Variants in GALNTL6 observed in about 807,000 individuals in gnomAD.
GALNTL6 encodes the protein polypeptide N-acetylgalactosaminyltransferase like 6, also known as polypeptide N-acetylgalactosaminyltransferase-like 6.
A neutral mutation model predicts 73.7 loss-of-function variants in GALNTL6; 46 were observed. That is an observed-to-expected ratio of 0.62 (90% CI 0.49 to 0.80). GALNTL6 has a LOEUF of 0.80. Ranked by LOEUF, GALNTL6 falls within the 30% of genes least tolerant of loss-of-function variation. GALNTL6 has a pLI of 0.00. For missense variants in GALNTL6, 604 were observed against 755.0 expected (o/e 0.80, Z 2.34); for synonymous variants, 259 against 263.7 (o/e 0.98, Z 0.17).
intron 2 of GALNTL6, among the ~76,000 whole-genome samples, chr4:172,010,740 G>T (rs1740981960): frequency 6.6e-6 from 1 of 152,006 alleles, no homozygotes. Context: ...CACTATCAGT[G>T]TCTTCTACCA....
chr4:172,182,597 C>T (rs769659737), intron 2 of GALNTL6, among the ~76,000 whole-genome samples: 6 of 141,966 alleles, frequency 4.2e-5, no homozygotes, highest in African/African-American at 5.3e-5. Context: ...GCTGCATAGA[C>T]AGGATATTCC....
At position 173,040,135 on chromosome 4, in the gene GALNTL6, G is replaced by A. The variant is rs1579815618; in HGVS notation, c.*35G>A. On this transcript the variant is annotated 3_prime_UTR_variant, in exon 13 of 13. Coordinates refer to ENST00000506823, the MANE Select transcript of GALNTL6 (RefSeq NM_001034845.3). ...AGGAAGAAAGAGTGATTACCTACAG[G>A]TTATAAATTAAATTTTAGCCAGCAT... 1 of 1,509,578 alleles carries A rather than the reference G, an allele frequency of 6.6e-7. No individual in the cohort carries two copies. Among genetic ancestry groups the A allele is most frequent in the Middle Eastern group, 2.1e-4 (1 of 4,878 alleles). 93.5% of individuals were successfully genotyped at this position (1,509,578 alleles called of 1,614,324 possible).
At chr4:172,380,309 T>C in intron 5 of GALNTL6, 1 of 742,020 alleles carries the variant, frequency 1.3e-6, no homozygotes, top group Non-Finnish European at 2.5e-6. Flanking sequence ...TGGGTATTCT[T>C]CTGGAAGAAA....
intron 2 of GALNTL6, among the ~76,000 whole-genome samples, chr4:172,084,131 A>G (rs947538933): frequency 2.6e-5 from 4 of 152,216 alleles, no homozygotes; most frequent in African/African-American, 9.6e-5. Context: ...AAAAAATTAA[A>G]CAAAATGGAA....
At chr4:172,053,606 G>A (rs372672752) in intron 2 of GALNTL6, among the ~76,000 whole-genome samples, 39 of 152,206 alleles carry the variant, frequency 2.6e-4, no homozygotes, top group African/African-American at 9.4e-4. Flanking sequence ...CACTACAAGC[G>A]AACTTAGTGC....
chr4:172,622,918 T>C (rs905329148), intron 5 of GALNTL6, among the ~76,000 whole-genome samples: 1 of 152,060 alleles, frequency 6.6e-6, no homozygotes, highest in Non-Finnish European at 1.5e-5. Flanking sequence ...TGAACAAAAA[T>C]TAAGTCCATA....
chr4:172,019,533 A>G (rs1371219873), intron 2 of GALNTL6, among the ~76,000 whole-genome samples: 2 of 152,158 alleles, frequency 1.3e-5, no homozygotes, highest in Non-Finnish European at 2.9e-5. Flanking sequence ...TATATGAGAC[A>G]AAATATATTT....
At chr4:172,186,441 A>ATCAATGTATTATTCCAAAGAAT (rs1735416898) in intron 2 of GALNTL6, among the ~76,000 whole-genome samples, 3 of 152,282 alleles carry the variant, frequency 2.0e-5, no homozygotes, top group Admixed American at 2.0e-4. Context: ...GAAAGAATAA[A>ATCAATGTATTATTCCAAAGAAT]AAATTGGAAA....
chr4:172,801,316 C>A (rs903368335), intron 5 of GALNTL6, among the ~76,000 whole-genome samples: 2 of 152,176 alleles, frequency 1.3e-5, no homozygotes, highest in Non-Finnish European at 2.9e-5. Flanking sequence ...TTATTTGCCT[C>A]TTCCCAAATG....
intron 3 of GALNTL6, among the ~76,000 whole-genome samples, chr4:172,276,629 G>C (rs1326666262): frequency 1.3e-5 from 2 of 152,028 alleles, no homozygotes; most frequent in African/African-American, 2.4e-5. Flanking sequence ...CACTGTAATT[G>C]TTGCTGCAAT....
In GALNTL6 at chr4:172,967,213, AC is replaced by A. The variant is rs1452664507; in HGVS notation, c.1371+14956del. Reference sequence around the variant, plus strand: ...GTTGTATTTTGCTCAGCCTTCACTTACATTTTCCCTTAGACCTTTTCCTTTT... The same window carrying A: ...GTTGTATTTTGCTCAGCCTTCACTTAATTTTCCCTTAGACCTTTTCCTTTT... On this transcript the variant is annotated intron_variant, in intron 10 of 12. Transcript: ENST00000506823. Among the ~76,000 whole-genome samples, 5 of 152,320 alleles carry A rather than the reference AC, an allele frequency of 3.3e-5. No individual in the cohort carries two copies. In the East Asian group the frequency reaches 7.7e-4, roughly 23 times the overall value.
chr4:172,457,205 C>T (rs1732428970), intron 5 of GALNTL6, among the ~76,000 whole-genome samples: 1 of 150,842 alleles, frequency 6.6e-6, no homozygotes, highest in Admixed American at 6.6e-5. Context: ...GAAGGAAGCA[C>T]TAAATATGGA....
chr4:173,009,005 C>T (rs1752421381), intron 10 of GALNTL6, among the ~76,000 whole-genome samples, 173 bp from the exon 11 acceptor site: 1 of 152,112 alleles, frequency 6.6e-6, no homozygotes, highest in African/African-American at 2.4e-5. Context: ...TTCAATGTTA[C>T]ATTTAATTCC....
chr4:172,279,801 A>G (rs1359298517), intron 3 of GALNTL6, among the ~76,000 whole-genome samples: 2 of 152,210 alleles, frequency 1.3e-5, no homozygotes, highest in African/African-American at 2.4e-5. Context: ...ATTATTCACA[A>G]TAGCCAAGAG....
chr4:172,416,718 AT>A (rs1346512170), intron 5 of GALNTL6, among the ~76,000 whole-genome samples: 1 of 152,160 alleles, frequency 6.6e-6, no homozygotes, highest in African/African-American at 2.4e-5. Flanking sequence ...TGTAATGAAT[AT>A]TTTAATTAAG....
chr4:172,891,082 A>G (rs752285762), intron 8 of GALNTL6, among the ~76,000 whole-genome samples: 4 of 149,088 alleles, frequency 2.7e-5, no homozygotes, highest in African/African-American at 4.9e-5. Flanking sequence ...GTGTCATTAC[A>G]TGGGAGATTG....
intron 11 of GALNTL6, among the ~76,000 whole-genome samples, chr4:173,011,685 G>A (rs1241877850): frequency 1.3e-5 from 2 of 152,174 alleles, no homozygotes; most frequent in Non-Finnish European, 2.9e-5. Context: ...TGAGTTGACT[G>A]TAGGTGTGTG....
chr4:171,861,369 T>C (rs1001922681), intron 2 of GALNTL6, among the ~76,000 whole-genome samples: 3 of 152,238 alleles, frequency 2.0e-5, no homozygotes, highest in African/African-American at 7.2e-5. Context: ...TTGAAGTCAC[T>C]ACCAGTATGA....
chr4:172,815,907 C>T (rs1193005241), intron 7 of GALNTL6, among the ~76,000 whole-genome samples: 1 of 152,176 alleles, frequency 6.6e-6, no homozygotes, highest in African/African-American at 2.4e-5. Flanking sequence ...CCACTTTGAT[C>T]TTATAAACCG....
Sources: allele counts gnomAD v4.1 joint callset (sites outside exome capture counted in the v4.1 genomes callset), GRCh38; gene constraint gnomAD v4.1.1; transcripts MANE v1.5; gene names NCBI Gene and HGNC (gene_info 2026-07-23, HGNC 2026-07-21).